Variants in LMO7 observed in about 807,000 individuals in gnomAD.
LMO7 encodes the protein LIM domain 7.
A neutral mutation model predicts 206.5 loss-of-function variants in LMO7; 120 were observed. That is an observed-to-expected ratio of 0.58 (90% CI 0.50 to 0.68). The LOEUF is 0.68. Ranked by LOEUF, LMO7 falls within the 30% of genes least tolerant of loss-of-function variation. The pLI is 0.00. For synonymous variants in LMO7, 706 were observed against 681.5 expected (o/e 1.04, Z -0.56); for missense variants, 1,959 against 1,957.9 (o/e 1.00, Z -0.01).
At chr13:75,718,011 C>G (rs911727886) in intron 2 of LMO7, among the ~76,000 whole-genome samples, 4 of 152,036 alleles carry the variant, frequency 2.6e-5, no homozygotes, top group African/African-American at 9.7e-5. Context: ...ATGTGATAGC[C>G]CAGCAATAGG....
chr13:75,786,990 G>A (rs1394770490), intron 4 of LMO7, among the ~76,000 whole-genome samples: 1 of 152,126 alleles, frequency 6.6e-6, no homozygotes. Flanking sequence ...TTCTGGTTGG[G>A]ATCTGTTTAA....
rs1157102413 is a variant in LMO7, at chr13:75,858,288, ATTG to A, written c.*348_*350del. ...AGTGGTGTTTTGAAGAGGGTATTTT[ATTG>A]TTTTTTAAAAAAAGGTTCTTAAACA... On this transcript the variant is annotated 3_prime_UTR_variant, in exon 31 of 31. Coordinates refer to ENST00000377534, the MANE Select transcript of LMO7 (RefSeq NM_001306080.2). 1 of 226,396 alleles carries A rather than the reference ATTG, an allele frequency of 4.4e-6. No homozygotes were observed. Among genetic ancestry groups the A allele is most frequent in the Non-Finnish European group, 8.6e-6 (1 of 116,648 alleles). 14.0% of individuals were successfully genotyped at this position (226,396 alleles called of 1,614,324 possible). A position where few individuals can be genotyped will look rare whatever the true frequency, so the allele number is the denominator to read the frequency against.
intron 3 of LMO7, among the ~76,000 whole-genome samples, chr13:75,737,794 A>AAC (rs1335418281): frequency 1.8e-4 from 24 of 132,846 alleles, no homozygotes; most frequent in East Asian, 4.4e-4. Context: ...AAAAAAAAAA[A>AAC]AAAAAAACTT....
At chr13:75,726,045 T>G (rs966268720) in intron 2 of LMO7, among the ~76,000 whole-genome samples, 5 of 151,876 alleles carry the variant, frequency 3.3e-5, no homozygotes, top group African/African-American at 1.2e-4. Context: ...TAAGAATGTT[T>G]AATGATTTCT....
At chr13:75,854,462 G>A (rs1457180503) in intron 28 of LMO7, among the ~76,000 whole-genome samples, 1 of 152,068 alleles carries the variant, frequency 6.6e-6, no homozygotes, top group Non-Finnish European at 1.5e-5. Context: ...TACTGACGGA[G>A]AGACCCACTC....
chr13:75,843,955 A>T (rs984513564), intron 25 of LMO7, among the ~76,000 whole-genome samples: 1 of 152,234 alleles, frequency 6.6e-6, no homozygotes, highest in Non-Finnish European at 1.5e-5. Context: ...AGCTAAAGAA[A>T]AATCTAGTGA....
chr13:75,659,097 G>A (rs1047052599), intron 1 of LMO7, among the ~76,000 whole-genome samples: 1 of 151,832 alleles, frequency 6.6e-6, no homozygotes, highest in Admixed American at 6.6e-5. Flanking sequence ...GCATTATGTG[G>A]TATCTTTGAC....
intron 15 of LMO7, among the ~76,000 whole-genome samples, chr13:75,824,757 T>G (rs536689966): frequency 7.4e-4 from 112 of 152,252 alleles, no homozygotes; most frequent in African/African-American, 2.4e-3. Context: ...ACATTAAGTG[T>G]GTATTATATA....
intron 1 of LMO7, among the ~76,000 whole-genome samples, chr13:75,704,315 G>A (rs1377494237): frequency 2.0e-5 from 3 of 152,170 alleles, no homozygotes; most frequent in Non-Finnish European, 4.4e-5. Context: ...GGTTTCTAAC[G>A]TAAATGTTTG....
At chr13:75,761,370 A>G (rs2048203926) in intron 4 of LMO7, among the ~76,000 whole-genome samples, 1 of 152,182 alleles carries the variant, frequency 6.6e-6, no homozygotes. Flanking sequence ...GGGTTATATT[A>G]TAGCTTGCAG....
At chr13:75,792,052 T>G (rs111337388) in intron 4 of LMO7, among the ~76,000 whole-genome samples, 5 of 152,152 alleles carry the variant, frequency 3.3e-5, no homozygotes, top group African/African-American at 9.6e-5. Context: ...ACTGCAGCCT[T>G]GAATTCCGGC....
At chr13:75,761,939 T>C (rs1280976301) in intron 4 of LMO7, among the ~76,000 whole-genome samples, 2 of 152,172 alleles carry the variant, frequency 1.3e-5, no homozygotes, top group African/African-American at 4.8e-5. Context: ...ACTTATGTGG[T>C]TAATATCCCT....
At chr13:75,663,408 T>TTTTCTCTCTTTC (rs1555289862) in intron 1 of LMO7, among the ~76,000 whole-genome samples, 2 of 116,268 alleles carry the variant, frequency 1.7e-5, no homozygotes, top group Non-Finnish European at 3.4e-5. Context: ...GTGAATTCTT[T>TTTTCTCTCTTTC]TTTCTTTCTT....
At chr13:75,700,083 A>G (rs1246057283) in intron 1 of LMO7, among the ~76,000 whole-genome samples, 1 of 152,190 alleles carries the variant, frequency 6.6e-6, no homozygotes, top group East Asian at 1.9e-4. Flanking sequence ...GCAGGCAGTC[A>G]GGCCTTATGG....
At chr13:75,707,859 AG>A (rs942280882) in intron 1 of LMO7, among the ~76,000 whole-genome samples, 7 of 150,618 alleles carry the variant, frequency 4.6e-5, no homozygotes. Flanking sequence ...TAGATATATG[AG>A]GGGGTCTTCA....
At chr13:75,738,840 A>C (rs1374673422) in intron 3 of LMO7, among the ~76,000 whole-genome samples, 1 of 152,202 alleles carries the variant, frequency 6.6e-6, no homozygotes, top group African/African-American at 2.4e-5. Context: ...AATGTGTAGA[A>C]ACATCAGGGA....
At chr13:75,737,772 T>TGAAATAA (rs1297459603) in intron 3 of LMO7, among the ~76,000 whole-genome samples, 5 of 5,816 alleles carry the variant, frequency 8.6e-4, no homozygotes, top group African/African-American at 2.9e-3. Context: ...AAAAATAAAA[T>TGAAATAA]AAAATAAAAT....
chr13:75,692,337 A>T (rs973261594), intron 1 of LMO7, among the ~76,000 whole-genome samples: 2 of 152,068 alleles, frequency 1.3e-5, no homozygotes, highest in African/African-American at 4.8e-5. Context: ...CTATTATTTA[A>T]GAGATTTTTA....
chr13:75,789,217 A>G (rs2052898629), intron 4 of LMO7: 1 of 152,184 alleles, frequency 6.6e-6, no homozygotes. Context: ...GTTTCCCTGT[A>G]TAATGATTCA....
Sources: allele counts gnomAD v4.1 joint callset (sites outside exome capture counted in the v4.1 genomes callset), GRCh38; gene constraint gnomAD v4.1.1; transcripts MANE v1.5; gene names NCBI Gene and HGNC (gene_info 2026-07-23, HGNC 2026-07-21).